Variants in PCDHGB2 observed in about 807,000 individuals in gnomAD.
PCDHGB2 encodes the protein protocadherin gamma-B2.
PCDHGB2 carries 55 observed loss-of-function variants against 59.3 expected under a neutral mutation model. The ratio of observed to expected loss-of-function variants is 0.93; its 90% CI spans 0.75 to 1.16. PCDHGB2 has a LOEUF of 1.16. Ranked by LOEUF, PCDHGB2 falls within the 50% of genes most tolerant of loss-of-function variation. The pLI is 0.00. For missense variants in PCDHGB2, 1,228 were observed against 1,198.5 expected (o/e 1.02, Z -0.36); for synonymous variants, 516 against 512.0 (o/e 1.01, Z -0.11).
chr5:141,478,384 T>G, intron 1 of PCDHGB2: 1 of 1,613,658 alleles, frequency 6.2e-7, no homozygotes, highest in South Asian at 1.1e-5. Context: ...CGCCGCACCT[T>G]TACCATCAGG....
At chr5:141,414,691 T>A (rs2095777481) in intron 1 of PCDHGB2, 1 of 1,613,848 alleles carries the variant, frequency 6.2e-7, no homozygotes, top group African/African-American at 1.3e-5. Context: ...GGTACCTCTG[T>A]CCTCATACAT....
At chr5:141,382,897 A>G in intron 1 of PCDHGB2, 1 of 1,540,826 alleles carries the variant, frequency 6.5e-7, no homozygotes, top group East Asian at 2.3e-5. Flanking sequence ...AAGCAGGACG[A>G]CTATGGCGGC....
chr5:141,389,504 C>A (rs564944158), intron 1 of PCDHGB2: 1 of 1,613,088 alleles, frequency 6.2e-7, no homozygotes, highest in African/African-American at 1.3e-5. Flanking sequence ...CGCCAGCGCT[C>A]AGCGCGAACG....
chr5:141,441,671 C>T (rs1027440120), intron 1 of PCDHGB2: 1 of 287,648 alleles, frequency 3.5e-6, no homozygotes, highest in African/African-American at 2.3e-5. Flanking sequence ...GCGCACAGTG[C>T]GCCTTCGACC....
Position 141,398,804 on chromosome 5 carries a change from C to G in PCDHGB2, c.2421+36248C>G, listed in dbSNP as rs1283760076. 9 of 1,613,894 alleles carry G rather than the reference C, an allele frequency of 5.6e-6. No homozygotes were observed. In the South Asian group the frequency reaches 8.8e-5, roughly 16 times the overall value. On this transcript the variant is annotated intron_variant, in intron 1 of 3. Coordinates refer to ENST00000522605, the MANE Select transcript of PCDHGB2 (RefSeq NM_018923.3). ...GGACATCCACCCCTAAGCGGCACCA[C>G]TGAGCTCCGGATCCAGGTAACCGAC... is the stretch of plus-strand genomic sequence containing the variant.
rs767580455 is a variant in PCDHGB2 at position 141,402,948 on chromosome 5, C to G, written c.2421+40392C>G. The G allele has an allele frequency of 7.5e-6, 12 of 1,592,864 alleles. No individual in the cohort carries two copies. In the African/African-American group the frequency reaches 1.2e-4, roughly 16 times the overall value. On this transcript the variant is annotated intron_variant, in intron 1 of 3. Transcript: ENST00000522605. ...CTTTTGAGAAAATTCCAAAGCGAGG[C>G]AGCAATGGCAGCTCCAACCAAATGC... is the stretch of plus-strand genomic sequence containing the variant.
chr5:141,469,603 GTAAAA>G (rs929191572), intron 1 of PCDHGB2, among the ~76,000 whole-genome samples: 9 of 152,038 alleles, frequency 5.9e-5, no homozygotes, highest in Admixed American at 1.3e-4. Context: ...AACAAAATAA[GTAAAA>G]TAAAATAAAT....
rs778054090 is a variant in PCDHGB2 at position 141,505,509 on chromosome 5, G to C, written c.2569+28G>C. On this transcript the variant is annotated intron_variant, in intron 3 of 3. Coordinates refer to ENST00000522605, the MANE Select transcript of PCDHGB2 (RefSeq NM_018923.3). ...AAGTGGTGTCAGTGTGTGTATGGAA[G>C]AGTGGGAGACCTGGGGTTCTGGGGT... The C allele has an allele frequency of 3.7e-6, 6 of 1,614,058 alleles. No homozygotes were observed. The East Asian group carries it at 1.1e-4, about 30-fold the overall frequency.
intron 1 of PCDHGB2, among the ~76,000 whole-genome samples, chr5:141,363,859 G>A (rs997046368): frequency 3.9e-5 from 6 of 152,132 alleles, no homozygotes; most frequent in Non-Finnish European, 8.8e-5. Flanking sequence ...ACTAAATATA[G>A]ATAAGAGGTA....
intron 1 of PCDHGB2, among the ~76,000 whole-genome samples, chr5:141,439,279 CT>C (rs2098102664): frequency 6.6e-6 from 1 of 151,930 alleles, no homozygotes; most frequent in African/African-American, 2.4e-5. Flanking sequence ...CATTCTGAGA[CT>C]GTGTTCCATG....
intron 1 of PCDHGB2, among the ~76,000 whole-genome samples, chr5:141,470,896 T>C (rs1370454369): frequency 6.6e-6 from 1 of 151,980 alleles, no homozygotes; most frequent in Non-Finnish European, 1.5e-5. Context: ...TTTTGTTTTT[T>C]GTAGAGATGG....
chr5:141,456,712 C>T (rs1025899058), intron 1 of PCDHGB2, among the ~76,000 whole-genome samples: 2 of 152,190 alleles, frequency 1.3e-5, no homozygotes, highest in African/African-American at 4.8e-5. Context: ...CGCCTGTAAT[C>T]CCAGCACTTT....
At position 141,360,353 on chromosome 5, in the gene PCDHGB2, A is replaced by G; in HGVS notation, c.218A>G (p.Glu73Gly). The change falls in exon 1 of 4, where the codon GAA becomes GGA. Residue 73 changes from glutamate to glycine, a missense_variant. Transcript: ENST00000522605. ...AAGCTGCGGGTTAGCGCGGAGAAGG[A>G]ATATTTCACAGTAAACCCAGAAAGC... Reference protein sequence around the residue: ...ARKLRVSAEKEYFTVNPESGD... With the variant: ...ARKLRVSAEKGYFTVNPESGD... 1 of 1,613,928 alleles carries G rather than the reference A, an allele frequency of 6.2e-7. No individual in the cohort carries two copies. Among genetic ancestry groups the G allele is most frequent in the Non-Finnish European group, 8.5e-7 (1 of 1,179,834 alleles).
intron 1 of PCDHGB2, chr5:141,376,072 C>T (rs755171325): frequency 6.8e-6 from 11 of 1,613,380 alleles, no homozygotes; most frequent in South Asian, 6.6e-5. Context: ...TCACCGTGGC[C>T]GTGGCCGACA....
rs749937052 is a variant in PCDHGB2, at chr5:141,490,441, G to A, written c.2422-4366G>A. ...CCTGCCATTTCAGATTAAGCCTTCT[G>A]AGAACCACTACTCGCTGCTAACCAG... On this transcript the variant is annotated intron_variant, in intron 1 of 3. Coordinates refer to ENST00000522605, the MANE Select transcript of PCDHGB2 (RefSeq NM_018923.3). The surrounding 1 kb of genome is among the most constrained non-coding windows in gnomAD (Gnocchi z 5.4). The A allele has an allele frequency of 9.3e-6, 15 of 1,614,208 alleles. No homozygotes were observed. The highest frequency in any genetic ancestry group is 1.2e-5 in the Non-Finnish European group (14 of 1,180,042).
At position 141,497,121 on chromosome 5, in the gene PCDHGB2, G is replaced by T. The variant is rs185298630; in HGVS notation, c.2480+2256G>T. Among the ~76,000 whole-genome samples, 563 of 152,212 alleles carry T rather than the reference G, an allele frequency of 3.7e-3. 5 individuals are homozygous for T. The highest frequency in any genetic ancestry group is 0.011 in the Admixed American group (164 of 15,296). On this transcript the variant is annotated intron_variant, in intron 2 of 3. Coordinates refer to ENST00000522605, the MANE Select transcript of PCDHGB2 (RefSeq NM_018923.3). Reference sequence around the variant, plus strand: ...GAACTGCTTGAACCCGGAAGGCAGAGGTTGCAGTGAGCTGAGATCACGAAA... The same window carrying T: ...GAACTGCTTGAACCCGGAAGGCAGATGTTGCAGTGAGCTGAGATCACGAAA...
In PCDHGB2 at chr5:141,415,516, G is replaced by T. The variant is rs199990575; in HGVS notation, c.2421+52960G>T. The T allele has an allele frequency of 1.9e-6, 3 of 1,614,220 alleles. No individual in the cohort carries two copies. In the African/African-American group the frequency reaches 4.0e-5, roughly 22 times the overall value. ...GATCTTCCCCCAGCCCAATTATGCG[G>T]ACACGCTCATCAGCCAGGAGAGCTG... On this transcript the variant is annotated intron_variant, in intron 1 of 3. Coordinates refer to ENST00000522605, the MANE Select transcript of PCDHGB2 (RefSeq NM_018923.3).
intron 1 of PCDHGB2, chr5:141,384,678 G>A (rs770501792): frequency 5.0e-6 from 8 of 1,614,194 alleles, no homozygotes; most frequent in Middle Eastern, 3.3e-4. Flanking sequence ...AGGTGGTGGC[G>A]GTGGACAAAG....
At chr5:141,415,468 G>A (rs762272586) in intron 1 of PCDHGB2, 8 of 1,614,070 alleles carry the variant, frequency 5.0e-6, no homozygotes, top group East Asian at 2.2e-5. Context: ...CTCTCTCACC[G>A]CGGACTCGCG....
Sources: allele counts gnomAD v4.1 joint callset (sites outside exome capture counted in the v4.1 genomes callset), GRCh38; gene constraint gnomAD v4.1.1; non-coding constraint Gnocchi (gnomAD v3.1); transcripts MANE v1.5; gene names NCBI Gene and HGNC (gene_info 2026-07-23, HGNC 2026-07-21).